Variants in ZMYND8 observed in about 807,000 individuals in gnomAD.
ZMYND8 encodes the protein MYND-type zinc finger-containing chromatin reader ZMYND8.
ZMYND8 carries 37 observed loss-of-function variants against 140.8 expected under a neutral mutation model. The ratio of observed to expected loss-of-function variants is 0.26; its 90% confidence interval spans 0.20 to 0.35. The LOEUF (loss-of-function observed/expected upper bound fraction) is 0.35. Among genes scored for constraint, ZMYND8 ranks in the 10% least tolerant of loss-of-function variants. ZMYND8 has a pLI of 1.00. For synonymous variants in ZMYND8, 592 were observed against 597.1 expected (o/e 0.99, Z 0.12); for missense variants, 1,068 against 1,570.0 (o/e 0.68, Z 5.40).
intron 2 of ZMYND8, among the ~76,000 whole-genome samples, chr20:47,327,665 G>GA (rs1390243837): frequency 6.6e-6 from 1 of 152,012 alleles, no homozygotes; most frequent in Non-Finnish European, 1.5e-5. Flanking sequence ...GGAAAGAAAA[G>GA]AAAATCACAA....
intron 2 of ZMYND8, among the ~76,000 whole-genome samples, chr20:47,317,513 C>T (rs773256598): frequency 2.0e-5 from 3 of 152,260 alleles, no homozygotes; most frequent in South Asian, 2.1e-4. Context: ...GGGAAAGGGC[C>T]GCAGCTGAAA....
intron 13 of ZMYND8, among the ~76,000 whole-genome samples, chr20:47,247,970 A>G (rs1308286621): frequency 1.3e-5 from 2 of 152,250 alleles, no homozygotes; most frequent in East Asian, 1.9e-4. Context: ...CAGATCTGGT[A>G]TAATTCTGGG....
intron 2 of ZMYND8, among the ~76,000 whole-genome samples, chr20:47,344,179 T>C (rs933346861): frequency 4.0e-5 from 6 of 151,366 alleles, no homozygotes; most frequent in African/African-American, 9.7e-5. Context: ...GGTTTCACCA[T>C]GTTGGCCAGG....
chr20:47,280,575 G>C (rs1425787656), intron 10 of ZMYND8, among the ~76,000 whole-genome samples: 1 of 152,088 alleles, frequency 6.6e-6, no homozygotes, highest in Non-Finnish European at 1.5e-5. Flanking sequence ...CAACCATAAG[G>C]GTCTGGGAAT....
intron 11 of ZMYND8, among the ~76,000 whole-genome samples, chr20:47,267,505 G>T (rs907624644): frequency 7.3e-6 from 1 of 136,858 alleles, no homozygotes; most frequent in Non-Finnish European, 1.6e-5. Context: ...GCGGGGGGGG[G>T]GCAATTAAAA....
chr20:47,230,816 C>G (rs1291183997), intron 16 of ZMYND8, among the ~76,000 whole-genome samples: 1 of 152,062 alleles, frequency 6.6e-6, no homozygotes, highest in Non-Finnish European at 1.5e-5. Flanking sequence ...AATCCCACTC[C>G]CCCGGCCTTA....
chr20:47,254,127 T>C (rs1365213219), intron 12 of ZMYND8, among the ~76,000 whole-genome samples: 4 of 152,266 alleles, frequency 2.6e-5, no homozygotes, highest in Non-Finnish European at 5.9e-5. Flanking sequence ...TGCCCTTCTA[T>C]ATCGGGAATA....
At chr20:47,355,575 CACA>C (rs1012380316) in intron 1 of ZMYND8, 102 of 821,966 alleles carry the variant, frequency 1.2e-4, no homozygotes, top group South Asian at 1.7e-4. Flanking sequence ...TAAAAACACA[CACA>C]ACAACAACAA....
chr20:47,282,038 TATCTC>T (rs978550439), intron 10 of ZMYND8, 59 bp downstream of exon 10: 205 of 1,312,494 alleles, frequency 1.6e-4, no homozygotes, highest in Non-Finnish European at 2.1e-4. Flanking sequence ...CTTCTTTTCT[TATCTC>T]ATAACAGTAT....
At chr20:47,240,101 T>C (rs2039762525) in intron 14 of ZMYND8, among the ~76,000 whole-genome samples, 2 of 145,400 alleles carry the variant, frequency 1.4e-5, no homozygotes, top group Non-Finnish European at 3.0e-5. Context: ...TAGCCAGACG[T>C]GGTGGGAAAC....
chr20:47,315,311 C>T (rs1400270469), intron 2 of ZMYND8, among the ~76,000 whole-genome samples: 2 of 152,170 alleles, frequency 1.3e-5, no homozygotes, highest in African/African-American at 2.4e-5. Context: ...ATAAAAACCC[C>T]AATTCTGTTT....
intron 10 of ZMYND8, 95 bp from the exon 11 acceptor site, chr20:47,276,890 T>G: frequency 8.2e-7 from 1 of 1,223,794 alleles, no homozygotes; most frequent in Non-Finnish European, 1.1e-6. Flanking sequence ...CAAGCATGTT[T>G]GCCAAGATTC....
At chr20:47,299,085 GT>G in intron 3 of ZMYND8, 138 bp from the exon 4 acceptor site, 2 of 764,888 alleles carry the variant, frequency 2.6e-6, no homozygotes, top group Non-Finnish European at 4.3e-6. Flanking sequence ...ACTATCTTAG[GT>G]TACTCTACTA....
chr20:47,248,356 A>G (rs981642106), intron 13 of ZMYND8, among the ~76,000 whole-genome samples: 5 of 152,206 alleles, frequency 3.3e-5, no homozygotes, highest in African/African-American at 9.7e-5. Context: ...GCCAAATTTC[A>G]CCCATGCCAC....
rs570420998 is a variant in ZMYND8, at chr20:47,343,280, C to A, written c.85+4576G>T. On this transcript the variant is annotated intron_variant, in intron 2 of 22. Transcript: ENST00000471951. ...AGCCTGGGCAGCAGAACGAGGCTGT[C>A]TCAAACGAACAAATAAATAAACCCC... 9.2e-5 allele frequency among the ~76,000 whole-genome samples: 14 copies of A among 152,254 alleles called. No homozygotes were observed. In the South Asian group the frequency reaches 2.9e-3, roughly 32 times the overall value.
At chr20:47,285,423 T>G (rs1433105074) in intron 8 of ZMYND8, among the ~76,000 whole-genome samples, 5 of 152,234 alleles carry the variant, frequency 3.3e-5, no homozygotes. Context: ...ACTTCTGAGC[T>G]ATTCCAAAGG....
chr20:47,224,587 C>T (rs770746633), intron 18 of ZMYND8, 31 bp from the exon 19 acceptor site: 1 of 1,608,932 alleles, frequency 6.2e-7, no homozygotes, highest in Non-Finnish European at 8.5e-7. Context: ...CACCGCTCAT[C>T]ACCTGACCCC....
intron 22 of ZMYND8, among the ~76,000 whole-genome samples, chr20:47,212,285 G>A (rs377440764): frequency 1.3e-5 from 2 of 152,146 alleles, no homozygotes; most frequent in African/African-American, 4.8e-5. Flanking sequence ...GAACCAGGCT[G>A]GCTAATGGAG....
At chr20:47,315,602 T>G (rs1299300943) in intron 2 of ZMYND8, among the ~76,000 whole-genome samples, 4 of 152,152 alleles carry the variant, frequency 2.6e-5, no homozygotes, top group Non-Finnish European at 5.9e-5. Context: ...ACTGTAGCCG[T>G]GGTACCCAGG....
Sources: gnomAD v4.1 joint callset for allele counts (sites outside exome capture counted in the v4.1 genomes callset) on GRCh38, gnomAD v4.1.1 for gene constraint, MANE v1.5 for transcripts, NCBI Gene and HGNC (gene_info 2026-07-23, HGNC 2026-07-21) for gene names.